The following TM4SF4 variants were observed in gnomAD, a reference collection of about 807,000 sequenced individuals.
The protein encoded by TM4SF4 is transmembrane 4 L6 family member 4.
Under a neutral mutation model 24.1 loss-of-function variants are expected in TM4SF4, and 24 were observed. That is an observed-to-expected ratio of 1.00 (90% CI 0.72 to 1.40). The LOEUF (loss-of-function observed/expected upper bound fraction) is 1.40, where lower values mean the gene tolerates loss of function less well. Ranked by LOEUF, TM4SF4 falls within the 40% of genes most tolerant of loss-of-function variation. The pLI is 0.00. For missense variants in TM4SF4, 254 were observed against 254.2 expected (o/e 1.00, Z 0.01); for synonymous variants, 113 against 97.0 (o/e 1.17, Z -0.97).
rs115939949 is a variant in TM4SF4 at position 149,477,216 on chromosome 3, A to G, written c.264+1304A>G. Among the ~76,000 whole-genome samples, 425 of 152,346 alleles carry G rather than the reference A, an allele frequency of 2.8e-3. 6 individuals are homozygous for G. The highest frequency in any genetic ancestry group is 9.8e-3 in the African/African-American group (408 of 41,582). On this transcript the variant is annotated intron_variant, in intron 2 of 4. Coordinates refer to ENST00000305354, the MANE Select transcript of TM4SF4 (RefSeq NM_004617.4). ...TAAAATGCAACTATATTGTGTTTCT[A>G]TCTGCCAATGATTCTAATTTTTCAT...
At position 149,480,895 on chromosome 3, in the gene TM4SF4, G is replaced by C. The variant is rs148923716; in HGVS notation, c.264+4983G>C. Among the ~76,000 whole-genome samples the C allele has an allele frequency of 4.0e-5, 6 of 151,668 alleles. No homozygotes were observed. In the East Asian group the frequency reaches 9.7e-4, roughly 24 times the overall value. On this transcript the variant is annotated intron_variant, in intron 2 of 4. Transcript: ENST00000305354. ...TTTTGAGACAGAGTCTTGCACTGTT[G>C]CCCGGGCTGGTGTGCAAGAGGTTGG...
Position 149,487,615 on chromosome 3 carries a change from T to C in TM4SF4, c.265-4T>C, listed in dbSNP as rs2107870887. The C allele has an allele frequency of 6.2e-7, 1 of 1,613,992 alleles. No individual in the cohort carries two copies. The highest frequency in any genetic ancestry group is 1.6e-4 in the Middle Eastern group (1 of 6,062). ...ATGTGACTGTCTCTCTTCCTCTCTT[T>C]CAGATGTTCACCTCCACGATATTTG... is the stretch of plus-strand genomic sequence containing the variant. On this transcript the variant is annotated splice_region_variant and splice_polypyrimidine_tract_variant and intron_variant, in intron 2 of 4. Transcript: ENST00000305354.
chr3:149,502,730 C>T lies in TM4SF4; in HGVS notation c.*37C>T, dbSNP rs12636725. 184,507 of 1,499,360 alleles carry T rather than the reference C, an allele frequency of 0.12. 16,065 individuals carry two copies. Among genetic ancestry groups the T allele is most frequent in the East Asian group, 0.39 (16,768 of 43,092 alleles). 92.9% of individuals were successfully genotyped at this position (1,499,360 alleles called of 1,614,324 possible). A position where few individuals can be genotyped will look rare whatever the true frequency, so the allele number is the denominator to read the frequency against. Reference sequence around the variant, plus strand: ...GAGCTGCTCAGACTCTACAGCATGACGACTACAATTTCTTTTCATAAAACT... The same window carrying T: ...GAGCTGCTCAGACTCTACAGCATGATGACTACAATTTCTTTTCATAAAACT... On this transcript the variant is annotated 3_prime_UTR_variant, in exon 5 of 5. Coordinates refer to ENST00000305354, the MANE Select transcript of TM4SF4 (RefSeq NM_004617.4).
chr3:149,490,734 A>G (rs1024043631), intron 3 of TM4SF4, among the ~76,000 whole-genome samples: 8 of 152,246 alleles, frequency 5.3e-5, no homozygotes, highest in African/African-American at 1.9e-4. Context: ...TTATCCACAT[A>G]AGCATATAGT....
rs192793194 is a variant in TM4SF4, at chr3:149,478,974, C to T, written c.264+3062C>T. Among the ~76,000 whole-genome samples the T allele has an allele frequency of 5.7e-4, 87 of 152,234 alleles. No individual in the cohort carries two copies. The East Asian group carries it at 0.016, about 29-fold the overall frequency. On this transcript the variant is annotated intron_variant, in intron 2 of 4. Coordinates refer to ENST00000305354, the MANE Select transcript of TM4SF4 (RefSeq NM_004617.4). ...TAGAGACGGGGTTTCACCATGTTGGCCAGGCTGGTCTCGAACTCCTGACCT... is the reference window on the plus strand; with the variant it reads ...TAGAGACGGGGTTTCACCATGTTGGTCAGGCTGGTCTCGAACTCCTGACCT...
intron 2 of TM4SF4, among the ~76,000 whole-genome samples, chr3:149,481,373 G>A (rs4630883): frequency 0.36 from 54,322 of 151,742 alleles, 10,247 homozygotes; most frequent in Non-Finnish European, 0.42. Flanking sequence ...CCTAGGAGAG[G>A]AAACGGGCTT....
chr3:149,478,561 T>A (rs1383938464), intron 2 of TM4SF4, among the ~76,000 whole-genome samples: 1 of 152,234 alleles, frequency 6.6e-6, no homozygotes, highest in Non-Finnish European at 1.5e-5. Flanking sequence ...AGCCTCCATG[T>A]GGAACCTGCC....
At position 149,487,771 on chromosome 3, in the gene TM4SF4, G is replaced by A. The variant is rs1410099248; in HGVS notation, c.401+16G>A. On this transcript the variant is annotated intron_variant, in intron 3 of 4. Coordinates refer to ENST00000305354, the MANE Select transcript of TM4SF4 (RefSeq NM_004617.4). Reference sequence around the variant, plus strand: ...TCCACGACGGGTAAGGCCACACCCTGCAATGCCCACCTGTCACCACAAGGG... The same window carrying A: ...TCCACGACGGGTAAGGCCACACCCTACAATGCCCACCTGTCACCACAAGGG... 1 of 1,612,732 alleles carries A rather than the reference G, an allele frequency of 6.2e-7. No homozygotes were observed. The highest frequency in any genetic ancestry group is 2.2e-5 in the East Asian group (1 of 44,836).
At chr3:149,480,963 C>T (rs1290578590) in intron 2 of TM4SF4, among the ~76,000 whole-genome samples, 4 of 152,172 alleles carry the variant, frequency 2.6e-5, no homozygotes, top group East Asian at 3.9e-4. Context: ...TGGATTCACG[C>T]GATTCTCCTG....
chr3:149,480,125 G>A (rs1260487504), intron 2 of TM4SF4, among the ~76,000 whole-genome samples: 1 of 131,994 alleles, frequency 7.6e-6, no homozygotes, highest in African/African-American at 2.6e-5. Context: ...GAGCCCTGGA[G>A]CAAAAATAGT....
In TM4SF4 at chr3:149,498,875, C is replaced by A; in HGVS notation, c.555C>A (p.Thr185=). 1.2e-6 allele frequency: 2 copies of A among 1,613,914 alleles called. No individual in the cohort carries two copies. Among genetic ancestry groups the A allele is most frequent in the East Asian group, 4.5e-5 (2 of 44,870 alleles). Residue 185 remains threonine (T), a synonymous_variant, in exon 4 of 5, where the codon ACC becomes ACA. Transcript: ENST00000305354. The stretch of plus-strand genomic sequence containing the variant: ...AGGTGGTCAATGGCCTCCTGGGGAC[C>A]CTCTGTGGGGACTGCCAGTGTTGTG... ...AIQVVNGLLG[T]LCGDCQCCGC...
chr3:149,499,017 G>C, intron 4 of TM4SF4, 106 bp downstream of exon 4: 1 of 1,235,230 alleles, frequency 8.1e-7, no homozygotes, highest in South Asian at 1.5e-5. Context: ...GAATGAGGGG[G>C]TAAGTGTGGC....
chr3:149,485,640 A>G (rs954073640), intron 2 of TM4SF4, among the ~76,000 whole-genome samples: 4 of 142,638 alleles, frequency 2.8e-5, no homozygotes, highest in African/African-American at 9.8e-5. Context: ...ATAAAAAGCT[A>G]AGCATTAGTT....
At chr3:149,493,973 T>C (rs1401974651) in intron 3 of TM4SF4, among the ~76,000 whole-genome samples, 4 of 152,222 alleles carry the variant, frequency 2.6e-5, no homozygotes, top group Non-Finnish European at 5.9e-5. Context: ...ATTCGTGCCT[T>C]TCTGCTCCCA....
chr3:149,480,935 G>A (rs1223674446), intron 2 of TM4SF4, among the ~76,000 whole-genome samples: 1 of 151,890 alleles, frequency 6.6e-6, no homozygotes. Context: ...ATCTCGGCTC[G>A]CTGCAACCTC....
At chr3:149,482,464 A>G (rs1734049989) in intron 2 of TM4SF4, among the ~76,000 whole-genome samples, 1 of 152,226 alleles carries the variant, frequency 6.6e-6, no homozygotes, top group African/African-American at 2.4e-5. Flanking sequence ...GAGATATCCC[A>G]GGACTTTTGC....
At chr3:149,487,975 G>A (rs1734148616) in intron 3 of TM4SF4, among the ~76,000 whole-genome samples, 1 of 152,206 alleles carries the variant, frequency 6.6e-6, no homozygotes, top group South Asian at 2.1e-4. Flanking sequence ...ATAACTAAAA[G>A]AGGACGGATG....
chr3:149,502,962 A>G lies in TM4SF4; in HGVS notation c.*269A>G, dbSNP rs1389507592. ...GAATTTACCAACAGGTTCAAAGCATACTTTTCATGATTTTTTTATTACAAA... is the reference window on the plus strand; with the variant it reads ...GAATTTACCAACAGGTTCAAAGCATGCTTTTCATGATTTTTTTATTACAAA... On this transcript the variant is annotated 3_prime_UTR_variant, in exon 5 of 5. Coordinates refer to ENST00000305354, the MANE Select transcript of TM4SF4 (RefSeq NM_004617.4). The G allele has an allele frequency of 5.4e-6, 2 of 369,494 alleles. No individual in the cohort carries two copies. Among genetic ancestry groups the G allele is most frequent in the African/African-American group, 4.2e-5 (2 of 48,040 alleles). 22.9% of individuals were successfully genotyped at this position (369,494 alleles called of 1,614,324 possible).
intron 3 of TM4SF4, chr3:149,495,825 G>T: frequency 5.1e-6 from 1 of 197,324 alleles, no homozygotes; most frequent in South Asian, 9.1e-5. Context: ...TCATCAATGT[G>T]GTTCCTGGGA....
Sources: allele counts gnomAD v4.1 joint callset (sites outside exome capture counted in the v4.1 genomes callset), GRCh38; gene constraint gnomAD v4.1.1; transcripts MANE v1.5; gene names NCBI Gene and HGNC (gene_info 2026-07-23, HGNC 2026-07-21).